The following APP variants were observed in gnomAD, a reference collection of about 807,000 sequenced individuals.
APP encodes amyloid-beta precursor protein.
APP carries 31 observed loss-of-function variants against 101.4 expected under a neutral mutation model. The observed-to-expected ratio is 0.31, with a 90% CI of 0.23 to 0.41. The LOEUF (loss-of-function observed/expected upper bound fraction) is 0.41, where lower values mean the gene tolerates loss of function less well. APP is among the 10% of genes least tolerant of loss of function. APP has a pLI of 1.00. For missense variants in APP, 839 were observed against 1,003.7 expected (o/e 0.84, Z 2.22); for synonymous variants, 366 against 364.4 (o/e 1.00, Z -0.05).
intron 2 of APP, among the ~76,000 whole-genome samples, chr21:26,109,151 T>C (rs2062253202): frequency 6.6e-6 from 1 of 152,154 alleles, no homozygotes; most frequent in Non-Finnish European, 1.5e-5. Flanking sequence ...TTCTCCCCAC[T>C]CATGGTGGCC....
At chr21:26,079,918 G>C (rs1327578751) in intron 3 of APP, among the ~76,000 whole-genome samples, 1 of 152,160 alleles carries the variant, frequency 6.6e-6, no homozygotes, top group South Asian at 2.1e-4. Context: ...GAGGTCAGAA[G>C]TTCGAAACCA....
At chr21:26,028,645 A>C (rs1210304637) in intron 5 of APP, among the ~76,000 whole-genome samples, 1 of 152,178 alleles carries the variant, frequency 6.6e-6, no homozygotes, top group African/African-American at 2.4e-5. Context: ...ATGAGCAAAA[A>C]AGTGGCAATG....
Position 25,891,887 on chromosome 21 carries a change from AAAAG to A in APP, c.2065-23_2065-20del. Reference sequence around the variant, plus strand: ...AGAACACCTTGAAAACAAATTAAGAAAAAGAATTTTAATTTCTAAATGCAATATA... The same window carrying A: ...AGAACACCTTGAAAACAAATTAAGAAAATTTTAATTTCTAAATGCAATATA... On this transcript the variant is annotated intron_variant, in intron 16 of 17. Transcript: ENST00000346798. 1 of 1,608,544 alleles carries A rather than the reference AAAAG, an allele frequency of 6.2e-7. No individual in the cohort carries two copies. The highest frequency in any genetic ancestry group is 1.3e-5 in the African/African-American group (1 of 74,666).
At chr21:25,908,726 C>T (rs1287655759) in intron 14 of APP, among the ~76,000 whole-genome samples, 1 of 149,490 alleles carries the variant, frequency 6.7e-6, no homozygotes, top group Non-Finnish European at 1.5e-5. Flanking sequence ...ACATTTACTA[C>T]GTTCCAGGAA....
intron 2 of APP, among the ~76,000 whole-genome samples, chr21:26,104,317 A>AG (rs199701675): frequency 6.6e-6 from 1 of 151,416 alleles, no homozygotes; most frequent in Admixed American, 6.7e-5. Context: ...TTGAAAAAAA[A>AG]GGGGGGAAAA....
At chr21:25,967,062 T>G (rs976219274) in intron 11 of APP, among the ~76,000 whole-genome samples, 1 of 152,226 alleles carries the variant, frequency 6.6e-6, no homozygotes, top group African/African-American at 2.4e-5. Context: ...TGCTCTTTAA[T>G]GAAGAGTCTC....
intron 8 of APP, among the ~76,000 whole-genome samples, chr21:25,990,926 C>A (rs1392718950): frequency 6.6e-6 from 1 of 152,142 alleles, no homozygotes; most frequent in Admixed American, 6.5e-5. Flanking sequence ...AACCTAAGTG[C>A]CCATCAACCA....
chr21:25,990,281 T>C (rs1008081633), intron 8 of APP, among the ~76,000 whole-genome samples: 25 of 152,234 alleles, frequency 1.6e-4, no homozygotes, highest in Non-Finnish European at 3.1e-4. Flanking sequence ...TTTATGTCCA[T>C]GGACACATAC....
intron 3 of APP, among the ~76,000 whole-genome samples, chr21:26,077,775 GAAAAAAA>G (rs796489181): frequency 1.2e-5 from 1 of 86,956 alleles, no homozygotes; most frequent in African/African-American, 4.2e-5. Context: ...ACAGGAGAAG[GAAAAAAA>G]AAAAAAAAAA....
At chr21:26,131,743 A>G (rs1037619354) in intron 1 of APP, among the ~76,000 whole-genome samples, 1 of 152,238 alleles carries the variant, frequency 6.6e-6, no homozygotes, top group South Asian at 2.1e-4. Flanking sequence ...CTCATCAGTG[A>G]GAAACATTAT....
intron 1 of APP, among the ~76,000 whole-genome samples, chr21:26,132,854 C>A (rs953494286): frequency 6.6e-6 from 1 of 152,104 alleles, no homozygotes; most frequent in Non-Finnish European, 1.5e-5. Context: ...AGTGAATAAA[C>A]GGGTAAGTGA....
At chr21:26,103,604 AAAG>A (rs2062113519) in intron 2 of APP, among the ~76,000 whole-genome samples, 1 of 152,224 alleles carries the variant, frequency 6.6e-6, no homozygotes, top group East Asian at 1.9e-4. Flanking sequence ...CCGTCAAAAA[AAAG>A]AAAAAGAAAA....
Position 25,955,699 on chromosome 21 carries a change from T to C in APP, c.1515A>G (p.Arg505=). The change falls in exon 12 of 18, where the codon AGA becomes AGG. Residue 505 remains arginine (R), a synonymous_variant. Transcript: ENST00000346798. The part of the protein sequence containing the change: ...KKYVRAEQKD[R]QHTLKHFEHV... ...GCTCGAAATGCTTTAGGGTGTGCTG[T>C]CTGTCCTTCTGTTCTGCGCGGACAT... The C allele has an allele frequency of 6.2e-7, 1 of 1,614,204 alleles. No individual in the cohort carries two copies. The highest frequency in any genetic ancestry group is 8.5e-7 in the Non-Finnish European group (1 of 1,180,034).
intron 13 of APP, among the ~76,000 whole-genome samples, chr21:25,920,313 C>T (rs1370044217): frequency 6.6e-6 from 1 of 152,102 alleles, no homozygotes; most frequent in Non-Finnish European, 1.5e-5. Flanking sequence ...GAAGAAACTG[C>T]ATCAACTAAT....
chr21:26,120,127 G>C (rs2062533538), intron 1 of APP, among the ~76,000 whole-genome samples: 1 of 152,134 alleles, frequency 6.6e-6, no homozygotes, highest in South Asian at 2.1e-4. Flanking sequence ...ATTGTTCTAA[G>C]CCACTAAATT....
chr21:26,130,876 CACT>C (rs578219196), intron 1 of APP, among the ~76,000 whole-genome samples: 1 of 152,212 alleles, frequency 6.6e-6, no homozygotes, highest in African/African-American at 2.4e-5. Flanking sequence ...CCAAAGAGTT[CACT>C]ACTAAGAATA....
Position 26,022,010 on chromosome 21 carries a change from T to G in APP, c.695A>C (p.Glu232Ala). 1 of 1,614,064 alleles carries G rather than the reference T, an allele frequency of 6.2e-7. No individual in the cohort carries two copies. Among genetic ancestry groups the G allele is most frequent in the Non-Finnish European group, 8.5e-7 (1 of 1,180,000 alleles). ...EDKVVEVAEE[E>A]EVAEVEEEEA... ...TTCTTCTTCCACCTCAGCCACTTCT[T>G]CCTCCTCTGCTACTTCTACTACTTT... Residue 232 changes from glutamate (E) to alanine (A), a missense_variant, in exon 6 of 18, where the codon GAA (glutamate) becomes GCA (alanine). Coordinates refer to ENST00000346798, the MANE Select transcript of APP (RefSeq NM_000484.4).
At chr21:25,941,370 C>A (rs904518802) in intron 13 of APP, 5 of 152,262 alleles carry the variant, frequency 3.3e-5, no homozygotes, top group African/African-American at 1.2e-4. Flanking sequence ...AGTCTGTGAT[C>A]AAGAAGAATT....
intron 3 of APP, among the ~76,000 whole-genome samples, chr21:26,065,853 T>C (rs2146016309): frequency 6.6e-6 from 1 of 152,322 alleles, no homozygotes; most frequent in South Asian, 2.1e-4. Flanking sequence ...CCAACATTCG[T>C]TAAAAGATGG....
Sources: gnomAD v4.1 joint callset for allele counts (sites outside exome capture counted in the v4.1 genomes callset) on GRCh38, gnomAD v4.1.1 for gene constraint, MANE v1.5 for transcripts, NCBI Gene and HGNC (gene_info 2026-07-23, HGNC 2026-07-21) for gene names.